SCN7A: variants seen among roughly 807,000 people sequenced by gnomAD.
SCN7A encodes sodium channel protein type 7 subunit alpha.
Under a neutral mutation model 155.2 loss-of-function variants are expected in SCN7A, and 138 were observed. That is an observed-to-expected ratio of 0.89 (90% CI 0.77 to 1.02). The LOEUF (loss-of-function observed/expected upper bound fraction) is 1.02. Among genes scored for constraint, SCN7A ranks in the 50% least tolerant of loss-of-function variants. The pLI is 0.00. For synonymous variants in SCN7A, 693 were observed against 649.0 expected (o/e 1.07, Z -1.03); for missense variants, 2,058 against 1,986.6 (o/e 1.04, Z -0.68).
chr2:166,427,772 C>T lies in SCN7A; in HGVS notation c.2853+16G>A, dbSNP rs181254260. On this transcript the variant is annotated intron_variant, in intron 18 of 25. Transcript: ENST00000643258. ...TGTCCCCAGCAAAGTATCAAACACC[C>T]TGGCTGCCCACTTACCAGAGTGCCA... 1.1e-5 allele frequency: 17 copies of T among 1,598,606 alleles called. No individual in the cohort carries two copies. In the East Asian group the frequency reaches 1.3e-4, roughly 13 times the overall value.
At chr2:166,439,656 GT>G (rs1174239416) in intron 15 of SCN7A, among the ~76,000 whole-genome samples, 1 of 152,124 alleles carries the variant, frequency 6.6e-6, no homozygotes, top group African/African-American at 2.4e-5. Context: ...TTAGAGTGGT[GT>G]TTTTTATCAC....
In SCN7A at chr2:166,472,298, A is replaced by T; in HGVS notation, c.572+19T>A. 6.4e-7 allele frequency: 1 copy of T among 1,570,172 alleles called. No homozygotes were observed. The highest frequency in any genetic ancestry group is 1.2e-5 in the South Asian group (1 of 83,772). On this transcript the variant is annotated intron_variant, in intron 6 of 25. Transcript: ENST00000643258. ...CTGAGCAAAACATTAAAATAGACTC[A>T]ATTTAAAGAAATACTCACTCAAACA...
At chr2:166,419,326 T>A (rs956442522) in intron 20 of SCN7A, among the ~76,000 whole-genome samples, 1 of 151,784 alleles carries the variant, frequency 6.6e-6, no homozygotes, top group African/African-American at 2.4e-5. Context: ...TGTTTTCCTA[T>A]CACTAAACTG....
intron 20 of SCN7A, among the ~76,000 whole-genome samples, chr2:166,418,384 G>A (rs569526430): frequency 6.5e-4 from 93 of 143,136 alleles, no homozygotes; most frequent in African/African-American, 2.0e-3. Flanking sequence ...CACCCACCTC[G>A]GCCTCCCAAA....
intron 9 of SCN7A, among the ~76,000 whole-genome samples, chr2:166,463,409 T>C (rs972303002): frequency 6.6e-6 from 1 of 152,152 alleles, no homozygotes; most frequent in Non-Finnish European, 1.5e-5. Flanking sequence ...GATTTAAAAA[T>C]CACTTGTGCA....
rs1701061966 is a variant in SCN7A at position 166,405,969 on chromosome 2, GT to G, written c.4659del (p.Lys1553AsnfsTer38). The G allele has an allele frequency of 1.2e-6, 2 of 1,612,784 alleles. No homozygotes were observed. Among genetic ancestry groups the G allele is most frequent in the Non-Finnish European group, 8.5e-7 (1 of 1,179,356 alleles). On this transcript the variant is annotated frameshift_variant, in exon 26 of 26. Transcript: ENST00000643258. LOFTEE classifies it low-confidence loss of function (END_TRUNC). ...AALDPPLFMA[K>X]PNKGQLIALD... ...AAAGCAATGAGCTGGCCCTTGTTTGGTTTTGCCATGAAAAGAGGAGGATCAA... is the reference window on the plus strand; with the variant it reads ...AAAGCAATGAGCTGGCCCTTGTTTGGTTTGCCATGAAAAGAGGAGGATCAA...
intron 21 of SCN7A, among the ~76,000 whole-genome samples, chr2:166,414,000 T>TATATATATATATATATATAA (rs1292737289): frequency 8.0e-5 from 8 of 100,154 alleles, no homozygotes; most frequent in African/African-American, 2.8e-4. Flanking sequence ...TATATATATA[T>TATATATATATATATATATAA]ATAAATATAC....
chr2:166,431,246 G>A (rs1000057897), intron 16 of SCN7A, among the ~76,000 whole-genome samples: 15 of 152,152 alleles, frequency 9.9e-5, no homozygotes, highest in African/African-American at 2.6e-4. Context: ...AATTTAAAAG[G>A]TAAATGAATC....
intron 18 of SCN7A, among the ~76,000 whole-genome samples, chr2:166,426,768 T>C (rs1701633853): frequency 6.6e-6 from 1 of 152,044 alleles, no homozygotes; most frequent in South Asian, 2.1e-4. Flanking sequence ...AATGTTCTGT[T>C]TCTCAATCTA....
chr2:166,491,873 C>A (rs1187348135), intron 1 of SCN7A, among the ~76,000 whole-genome samples: 1 of 151,952 alleles, frequency 6.6e-6, no homozygotes, highest in Non-Finnish European at 1.5e-5. Flanking sequence ...ATGCCTCCAC[C>A]ATAAGCTTTC....
intron 14 of SCN7A, among the ~76,000 whole-genome samples, chr2:166,442,813 G>A (rs939048626): frequency 2.6e-5 from 4 of 152,248 alleles, no homozygotes; most frequent in South Asian, 4.1e-4. Context: ...ACAACATCCT[G>A]TATATATTTC....
intron 25 of SCN7A, among the ~76,000 whole-genome samples, chr2:166,406,914 A>C (rs1701089029): frequency 6.6e-6 from 1 of 152,024 alleles, no homozygotes; most frequent in Non-Finnish European, 1.5e-5. Flanking sequence ...CAGATCAAGT[A>C]GTTCTGGAAT....
chr2:166,430,182 C>A (rs1701704507), intron 16 of SCN7A, among the ~76,000 whole-genome samples: 1 of 151,702 alleles, frequency 6.6e-6, no homozygotes, highest in Admixed American at 6.6e-5. Context: ...GGCCAAAAAA[C>A]CAGAGAAATT....
At chr2:166,443,820 G>T (rs749340515) in intron 13 of SCN7A, 144 bp from the exon 14 acceptor site, 40 of 618,308 alleles carry the variant, frequency 6.5e-5, no homozygotes, top group Non-Finnish European at 9.9e-5. Context: ...GTTAGTTGTA[G>T]AGTCTGCATT....
rs755425347 is a variant in SCN7A, at chr2:166,457,059, C to T, written c.1101G>A (p.Gly367=). 4 of 1,605,516 alleles carry T rather than the reference C, an allele frequency of 2.5e-6. No homozygotes were observed. Among genetic ancestry groups the T allele is most frequent in the South Asian group, 1.1e-5 (1 of 89,852 alleles). ...VLYHQILYAS[G]KVYMIFFVVV... ...CCACAAAAAATATCATGTAGACCTT[C>T]CCAGAAGCATAAAGTATCTAAGGAA... The change falls in exon 11 of 26, where the codon GGG becomes GGA. Residue 367 remains glycine (G), a synonymous_variant. Coordinates refer to ENST00000643258, the MANE Select transcript of SCN7A (RefSeq NM_002976.4).
intron 11 of SCN7A, among the ~76,000 whole-genome samples, chr2:166,455,583 G>T (rs1559113520): frequency 6.6e-6 from 1 of 152,016 alleles, no homozygotes; most frequent in Non-Finnish European, 1.5e-5. Context: ...CTGAAAAACT[G>T]CTTGTTGGGT....
intron 25 of SCN7A, among the ~76,000 whole-genome samples, chr2:166,409,347 T>C (rs1701145705): frequency 6.6e-6 from 1 of 151,938 alleles, no homozygotes; most frequent in African/African-American, 2.4e-5. Flanking sequence ...TAAACGTCTT[T>C]CTAGTGTCAT....
At position 166,441,753 on chromosome 2, in the gene SCN7A, C is replaced by T. The variant is rs529728627; in HGVS notation, c.1801-1G>A. ...ACTTTCCCAACTTGAAAATTCTTAA[C>T]TAATAGAGCAATGTAAAATCAAGAA... On this transcript the variant is annotated splice_acceptor_variant, in intron 14 of 25. Coordinates refer to ENST00000643258, the MANE Select transcript of SCN7A (RefSeq NM_002976.4). LOFTEE classifies it high-confidence loss of function. 1.9e-6 allele frequency: 3 copies of T among 1,585,710 alleles called. No individual in the cohort carries two copies. The South Asian group carries it at 3.5e-5, about 18-fold the overall frequency.
Position 166,462,476 on chromosome 2 carries a change from G to T in SCN7A, c.996C>A (p.Gly332=). The T allele has an allele frequency of 6.2e-7, 1 of 1,613,764 alleles. No homozygotes were observed. The highest frequency in any genetic ancestry group is 8.5e-7 in the Non-Finnish European group (1 of 1,179,770). Residue 332 remains glycine, a synonymous_variant, in exon 10 of 26, where the codon GGC becomes GGA. Coordinates refer to ENST00000643258, the MANE Select transcript of SCN7A (RefSeq NM_002976.4). ...AGCCAAAACTGTCAAAATTTGTGAA[G>T]CCTTGATCAGGATTTATGCCAGCTT... ...CVKAGINPDQ[G]FTNFDSFGWA...
Sources: gnomAD v4.1 joint callset for allele counts (sites outside exome capture counted in the v4.1 genomes callset) on GRCh38, gnomAD v4.1.1 for gene constraint, MANE v1.5 for transcripts, NCBI Gene and HGNC (gene_info 2026-07-23, HGNC 2026-07-21) for gene names.